The following SHISA5 variants were observed in gnomAD, a reference collection of about 807,000 sequenced individuals.
SHISA5 encodes shisa family member 5.
Under a neutral mutation model 27.5 loss-of-function variants are expected in SHISA5, and 21 were observed. The observed-to-expected ratio is 0.76, with a 90% CI of 0.54 to 1.10. SHISA5 has a LOEUF of 1.10. Among genes scored for constraint, SHISA5 ranks in the 50% least tolerant of loss-of-function variants. The pLI, the probability that SHISA5 is intolerant of heterozygous loss-of-function variation, is 0.00. For synonymous variants in SHISA5, 137 were observed against 142.2 expected (o/e 0.96, Z 0.26); for missense variants, 314 against 336.3 (o/e 0.93, Z 0.52).
Position 48,479,223 on chromosome 3 carries a change from C to T in SHISA5, c.268G>A (p.Gly90Ser). The change falls in exon 3 of 6, where the codon GGC (glycine) becomes AGC (serine). Residue 90 changes from glycine (G) to serine (S), a missense_variant. Gly to Ser is a moderately conservative substitution (Grantham distance 56). Coordinates refer to ENST00000296444, the MANE Select transcript of SHISA5 (RefSeq NM_016479.6). ...CCAGGGCGAAACCTCAGCGCCGAGC[C>T]CAGCTGCTCCACCGGCTCTACACTG... is the stretch of plus-strand genomic sequence containing the variant. ...PASVEPVEQL[G>S]SALRFRPGYN... The T allele has an allele frequency of 2.0e-6, 3 of 1,473,768 alleles. No individual in the cohort carries two copies. Among genetic ancestry groups the T allele is most frequent in the Non-Finnish European group, 2.7e-6 (3 of 1,108,474 alleles). The allele number at this position is 1,473,768 out of a possible 1,614,324, so 91.3% of individuals were successfully genotyped here.
At chr3:48,489,195 A>ATT (rs11293006) in intron 2 of SHISA5, among the ~76,000 whole-genome samples, 10 of 130,094 alleles carry the variant, frequency 7.7e-5, no homozygotes, top group Admixed American at 3.2e-4. Flanking sequence ...ACATTATGAG[A>ATT]TTTTTTTTTT....
chr3:48,469,155 C>CATGTA lies in SHISA5; in HGVS notation c.674_675insTACAT (p.Gln225HisfsTer36), dbSNP rs1174206657. Reference sequence around the variant, plus strand: ...CCATGTAGGCCGGGTTGTAAGGAGGCTGGCTGGCGGGGTAGGGCGCGGCTG... The same window carrying CATGTA: ...CCATGTAGGCCGGGTTGTAAGGAGGCATGTATGGCTGGCGGGGTAGGGCGCGGCTG... On this transcript the variant is annotated frameshift_variant, in exon 6 of 6. Coordinates refer to ENST00000296444, the MANE Select transcript of SHISA5 (RefSeq NM_016479.6). LOFTEE classifies it high-confidence loss of function. This position sits in a 1 kb window ranked among gnomAD's most constrained non-coding sequence, Gnocchi z 4.6. The CATGTA allele has an allele frequency of 2.5e-6, 4 of 1,612,812 alleles. No homozygotes were observed. The highest frequency in any genetic ancestry group is 1.1e-5 in the South Asian group (1 of 91,084).
chr3:48,501,748 T>TA (rs1159935479), intron 1 of SHISA5, among the ~76,000 whole-genome samples: 1 of 152,092 alleles, frequency 6.6e-6, no homozygotes, highest in Non-Finnish European at 1.5e-5. Context: ...CTTTCAACTC[T>TA]ACTCATCCTT....
At chr3:48,482,658 G>C (rs1386226406) in intron 2 of SHISA5, among the ~76,000 whole-genome samples, 1 of 151,238 alleles carries the variant, frequency 6.6e-6, no homozygotes, top group Non-Finnish European at 1.5e-5. Flanking sequence ...TTTTGAGACA[G>C]AGTCTCGTCT....
At chr3:48,500,103 C>T (rs2041710351) in intron 2 of SHISA5, among the ~76,000 whole-genome samples, 1 of 152,150 alleles carries the variant, frequency 6.6e-6, no homozygotes, top group Middle Eastern at 3.4e-3. Context: ...ACCAGATGCC[C>T]ACTGAAGCTA....
intron 3 of SHISA5, among the ~76,000 whole-genome samples, chr3:48,474,002 C>CAA (rs71625877): frequency 0.024 from 1,652 of 70,246 alleles, 25 homozygotes; most frequent in African/African-American, 0.071. Context: ...GAATCTGTCT[C>CAA]AAAAAAAAAA....
chr3:48,501,718 G>A (rs1261944889), intron 1 of SHISA5, among the ~76,000 whole-genome samples: 1 of 152,058 alleles, frequency 6.6e-6, no homozygotes, highest in African/African-American at 2.4e-5. Context: ...TCACATTCTT[G>A]CCTGGTTCCT....
intron 2 of SHISA5, among the ~76,000 whole-genome samples, chr3:48,497,198 C>A (rs1228028431): frequency 1.3e-5 from 2 of 150,842 alleles, no homozygotes; most frequent in Non-Finnish European, 3.0e-5. Context: ...TGCCATTGTT[C>A]TCCAGTCTGC....
chr3:48,480,527 G>A (rs775738557), intron 2 of SHISA5, among the ~76,000 whole-genome samples: 55 of 152,060 alleles, frequency 3.6e-4, no homozygotes, highest in Non-Finnish European at 6.5e-4. Context: ...TGGGGGGGCC[G>A]AGGAGGGTGG....
At position 48,473,141 on chromosome 3, in the gene SHISA5, G is replaced by A. The variant is rs1179205874; in HGVS notation, c.315-3298C>T. 44 of 1,459,052 alleles carry A rather than the reference G, an allele frequency of 3.0e-5. No individual in the cohort carries two copies. The highest frequency in any genetic ancestry group is 3.4e-5 in the Non-Finnish European group (38 of 1,108,604). The allele number at this position is 1,459,052 out of a possible 1,614,324, so 90.4% of individuals were successfully genotyped here. A position where few individuals can be genotyped will look rare whatever the true frequency, so the allele number is the denominator to read the frequency against. Reference sequence around the variant, plus strand: ...AGAAAGCAAATCTCCTCCAGATGACGTCAGCCACAGGAAGCACAGACGCGA... The same window carrying A: ...AGAAAGCAAATCTCCTCCAGATGACATCAGCCACAGGAAGCACAGACGCGA... On this transcript the variant is annotated intron_variant, in intron 3 of 5. Coordinates refer to ENST00000296444, the MANE Select transcript of SHISA5 (RefSeq NM_016479.6). This position sits in a 1 kb window ranked among gnomAD's most constrained non-coding sequence, Gnocchi z 4.3.
At chr3:48,490,819 T>C (rs2041399307) in intron 2 of SHISA5, among the ~76,000 whole-genome samples, 1 of 152,156 alleles carries the variant, frequency 6.6e-6, no homozygotes, top group African/African-American at 2.4e-5. Context: ...TCTATTAACA[T>C]AGCTAGATCT....
intron 2 of SHISA5, among the ~76,000 whole-genome samples, chr3:48,480,315 C>T (rs1299782668): frequency 6.7e-6 from 1 of 148,646 alleles, no homozygotes; most frequent in African/African-American, 2.5e-5. Flanking sequence ...AAAACCAAAA[C>T]TCTTGATTTG....
chr3:48,469,213 C>A lies in SHISA5; in HGVS notation c.644-27G>T. On this transcript the variant is annotated intron_variant, in intron 5 of 5. Coordinates refer to ENST00000296444, the MANE Select transcript of SHISA5 (RefSeq NM_016479.6). This position sits in a 1 kb window ranked among gnomAD's most constrained non-coding sequence, Gnocchi z 4.6. ...TGAAAGCAGAGAGGACCCTGGTTGG[C>A]TGTGAGCATGGTGGGCTGCCGTGTG... 6.2e-7 allele frequency: 1 copy of A among 1,607,782 alleles called. No homozygotes were observed. Among genetic ancestry groups the A allele is most frequent in the Non-Finnish European group, 8.5e-7 (1 of 1,177,724 alleles).
intron 2 of SHISA5, among the ~76,000 whole-genome samples, chr3:48,485,556 AT>A (rs1213638946): frequency 1.1e-3 from 160 of 143,996 alleles, no homozygotes; most frequent in African/African-American, 3.1e-3. Context: ...TATATAATAT[AT>A]TATATATAAT....
At position 48,471,640 on chromosome 3, in the gene SHISA5, CGGTGGCTCACACCTGT is replaced by C. The variant is rs200923662; in HGVS notation, c.315-1813_315-1798del. Reference sequence around the variant, plus strand: ...TTAAAAAATAAAAAACGGTTGGGTGCGGTGGCTCACACCTGTAATCCCAGTACTTTGGGAGGCCGAG... The same window carrying C: ...TTAAAAAATAAAAAACGGTTGGGTGCAATCCCAGTACTTTGGGAGGCCGAG... On this transcript the variant is annotated intron_variant, in intron 3 of 5. Transcript: ENST00000296444. 1.0e-3 allele frequency among the ~76,000 whole-genome samples: 155 copies of C among 150,054 alleles called. 2 individuals are homozygous for C. In the East Asian group the frequency reaches 0.025, roughly 24 times the overall value.
At chr3:48,482,809 A>C (rs976834083) in intron 2 of SHISA5, among the ~76,000 whole-genome samples, 4 of 151,582 alleles carry the variant, frequency 2.6e-5, no homozygotes, top group African/African-American at 7.3e-5. Flanking sequence ...TAATTTTTGT[A>C]TTTTTAGTAG....
Position 48,497,249 on chromosome 3 carries a change from G to T in SHISA5, c.233+3888C>A, listed in dbSNP as rs539400478. Among the ~76,000 whole-genome samples, 21 of 149,768 alleles carry T rather than the reference G, an allele frequency of 1.4e-4. No individual in the cohort carries two copies. In the South Asian group the frequency reaches 4.4e-3, roughly 32 times the overall value. On this transcript the variant is annotated intron_variant, in intron 2 of 5. Coordinates refer to ENST00000296444, the MANE Select transcript of SHISA5 (RefSeq NM_016479.6). ...TTCTTGTGGGGTTAACGGTCTTAAGGCTTCCAGAACAAGTTTTTTTTTTTT... is the reference window on the plus strand; with the variant it reads ...TTCTTGTGGGGTTAACGGTCTTAAGTCTTCCAGAACAAGTTTTTTTTTTTT...
intron 3 of SHISA5, among the ~76,000 whole-genome samples, chr3:48,475,984 G>A (rs1352087608): frequency 6.6e-6 from 1 of 152,200 alleles, no homozygotes; most frequent in African/African-American, 2.4e-5. Flanking sequence ...AGGGGTTCTG[G>A]GCCAGGCAGA....
Position 48,501,221 on chromosome 3 carries a change from C to G in SHISA5, c.149G>C (p.Gly50Ala). ...GCAGCAGTATTGGTCATCACAGGTA[C>G]CACAGCAGAAATCTGGACAGGACTC... is the stretch of plus-strand genomic sequence containing the variant. Reference protein sequence around the residue: ...FPESCPDFCCGTCDDQYCCSD... With the variant: ...FPESCPDFCCATCDDQYCCSD... Residue 50 changes from glycine (G) to alanine (A), a missense_variant, in exon 2 of 6, where the codon GGT (glycine) becomes GCT (alanine). Physicochemically the swap from Gly to Ala is moderately conservative, Grantham distance 60. Transcript: ENST00000296444. 6 of 1,614,156 alleles carry G rather than the reference C, an allele frequency of 3.7e-6. No homozygotes were observed. The highest frequency in any genetic ancestry group is 5.1e-6 in the Non-Finnish European group (6 of 1,180,030).
Sources: gnomAD v4.1 joint callset for allele counts (sites outside exome capture counted in the v4.1 genomes callset) on GRCh38, gnomAD v4.1.1 for gene constraint, Gnocchi (gnomAD v3.1) non-coding constraint, MANE v1.5 for transcripts, NCBI Gene and HGNC (gene_info 2026-07-23, HGNC 2026-07-21) for gene names.